The following UNC93A variants were observed in gnomAD, a reference collection of about 807,000 sequenced individuals.
The protein encoded by UNC93A is N-acetylglucosamine transporter UNC93A.
Under a neutral mutation model 47.5 loss-of-function variants are expected in UNC93A, and 43 were observed. The ratio of observed to expected loss-of-function variants is 0.91; its 90% CI spans 0.71 to 1.17. The LOEUF (loss-of-function observed/expected upper bound fraction) is 1.17, where lower values mean the gene tolerates loss of function less well. UNC93A is among the 50% of genes most tolerant of loss of function. The probability of loss-of-function intolerance (pLI) is 0.00; values close to 1 mark genes in which losing one functional copy is unlikely to be tolerated. For synonymous variants in UNC93A, 280 were observed against 258.0 expected, an observed-to-expected ratio of 1.09 and a Z score of -0.82; for missense variants, 605 against 577.6, an observed-to-expected ratio of 1.05 and a Z score of -0.49.
At chr6:167,307,434 T>C (rs551774258) in intron 6 of UNC93A, among the ~76,000 whole-genome samples, 2 of 78,608 alleles carry the variant, frequency 2.5e-5, no homozygotes, top group East Asian at 1.0e-3. Flanking sequence ...ACGGTTGAGA[T>C]GGTTGAGACA....
At chr6:167,310,230 T>A (rs938682754) in intron 7 of UNC93A, among the ~76,000 whole-genome samples, 6 of 152,280 alleles carry the variant, frequency 3.9e-5, no homozygotes, top group Non-Finnish European at 8.8e-5. Context: ...ACATGAATTT[T>A]AAAATGTATT....
In UNC93A at chr6:167,296,111, A is replaced by C; in HGVS notation, c.349A>C (p.Ile117Leu). 2 of 1,614,216 alleles carry C rather than the reference A, an allele frequency of 1.2e-6. No individual in the cohort carries two copies. Among genetic ancestry groups the C allele is most frequent in the South Asian group, 2.2e-5 (2 of 91,078 alleles). ...LWSAQCTYLT[I>L]TGNTHAEKAG... ...GTCTGCACAGTGCACATACCTCACG[A>C]TCACGGGAAACACACATGCAGAGAA... Residue 117 changes from isoleucine to leucine, a missense_variant, in exon 3 of 8, where the codon ATC becomes CTC. Physicochemically the swap from Ile to Leu is conservative, Grantham distance 5. Coordinates refer to ENST00000230256, the MANE Select transcript of UNC93A (RefSeq NM_018974.4).
chr6:167,307,947 C>T, intron 7 of UNC93A, 37 bp downstream of exon 7: 12 of 1,609,584 alleles, frequency 7.5e-6, no homozygotes, highest in African/African-American at 1.3e-5. Flanking sequence ...TCTGTGGCAG[C>T]AGGGGGCGGT....
intron 4 of UNC93A, among the ~76,000 whole-genome samples, chr6:167,300,528 A>C (rs964760662): frequency 6.6e-6 from 1 of 152,102 alleles, no homozygotes; most frequent in Non-Finnish European, 1.5e-5. Context: ...CAGGCGAGCA[A>C]CCTGGGGAGG....
intron 1 of UNC93A, among the ~76,000 whole-genome samples, chr6:167,282,380 C>T (rs959658366): frequency 3.9e-5 from 6 of 152,012 alleles, no homozygotes; most frequent in Non-Finnish European, 7.4e-5. Context: ...TAGGGGGCCC[C>T]ACCAAGGTCT....
chr6:167,310,686 G>T (rs1778533023), intron 7 of UNC93A, among the ~76,000 whole-genome samples: 1 of 152,150 alleles, frequency 6.6e-6, no homozygotes, highest in African/African-American at 2.4e-5. Context: ...TTCAAGACCA[G>T]CCTGGCCAAC....
At chr6:167,307,000 G>T (rs920563932) in intron 6 of UNC93A, among the ~76,000 whole-genome samples, 41 of 152,146 alleles carry the variant, frequency 2.7e-4, no homozygotes, top group Admixed American at 9.8e-4. Flanking sequence ...CTGCCTGGGG[G>T]GTCTGTGGCC....
At chr6:167,288,159 G>A (rs1252337858), upstream of UNC93A, among the ~76,000 whole-genome samples, 1 of 152,050 alleles carries the variant, frequency 6.6e-6, no homozygotes, top group African/African-American at 2.4e-5. Flanking sequence ...CTTGCCACAC[G>A]ATGGGTCTCT....
At position 167,294,651 on chromosome 6, in the gene UNC93A, C is replaced by T. The variant is rs371357023; in HGVS notation, c.222C>T (p.Ser74=). ...RLGCKGTIIL[S]MCGYVAFSVG... is the part of the protein sequence containing the mutation. ...GCTGCAAGGGGACCATCATCCTCTC[C>T]ATGTGTGGCTACGTGGCCTTCTCCG... is the stretch of plus-strand genomic sequence containing the variant. Residue 74 remains serine (S), a synonymous_variant, in exon 2 of 8, where the codon TCC becomes TCT. Coordinates refer to ENST00000230256, the MANE Select transcript of UNC93A (RefSeq NM_018974.4). 38 of 1,608,834 alleles carry T rather than the reference C, an allele frequency of 2.4e-5. No homozygotes were observed. The highest frequency in any genetic ancestry group is 3.3e-5 in the South Asian group (3 of 90,910).
intron 4 of UNC93A, chr6:167,298,313 C>T (rs944280281): frequency 1.9e-5 from 8 of 429,982 alleles, no homozygotes; most frequent in African/African-American, 6.1e-5. Flanking sequence ...CAGAGCCCAA[C>T]ACAGCAGCCA....
Position 167,306,003 on chromosome 6 carries a change from A to T in UNC93A, c.929A>T (p.Tyr310Phe). ...ACTGACGCGCTGTGCTCCGTGTTGT[A>T]TGGAAAGGTCTCGCAGTACACGGGC... ...SATDALCSVL[Y>F]GKVSQYTGRA... Residue 310 changes from tyrosine to phenylalanine, a missense_variant, in exon 6 of 8, where the codon TAT becomes TTT. By Grantham distance (22) the Tyr-to-Phe change is conservative. Transcript: ENST00000230256. 1.2e-6 allele frequency: 2 copies of T among 1,614,172 alleles called. No homozygotes were observed. The highest frequency in any genetic ancestry group is 1.7e-6 in the Non-Finnish European group (2 of 1,180,048).
At chr6:167,300,864 C>T (rs1778223054) in intron 4 of UNC93A, among the ~76,000 whole-genome samples, 2 of 152,210 alleles carry the variant, frequency 1.3e-5, no homozygotes. Flanking sequence ...AAGACTTCTC[C>T]TATCTATAAA....
At chr6:167,302,292 G>A (rs1778263673) in intron 4 of UNC93A, among the ~76,000 whole-genome samples, 1 of 152,152 alleles carries the variant, frequency 6.6e-6, no homozygotes, top group African/African-American at 2.4e-5. Flanking sequence ...CACTGATGCT[G>A]AGAGAGAAAG....
At chr6:167,293,443 G>C (rs553561824) in intron 1 of UNC93A, among the ~76,000 whole-genome samples, 2 of 152,188 alleles carry the variant, frequency 1.3e-5, no homozygotes, top group Non-Finnish European at 2.9e-5. Flanking sequence ...GCATGCGGAC[G>C]TGCTTTAACC....
chr6:167,275,270 T>C (rs766721915), intron 1 of UNC93A, among the ~76,000 whole-genome samples: 10 of 152,226 alleles, frequency 6.6e-5, no homozygotes, highest in Non-Finnish European at 1.5e-4. Context: ...TCTGGCAGGA[T>C]GGCCGCTGGC....
intron 4 of UNC93A, among the ~76,000 whole-genome samples, chr6:167,298,820 AT>A (rs201440136): frequency 3.5e-4 from 53 of 149,302 alleles, no homozygotes; most frequent in African/African-American, 5.1e-4. Flanking sequence ...TAATTTAAAT[AT>A]TTTTTTTTTT....
At position 167,295,579 on chromosome 6, in the gene UNC93A, G is replaced by A. The variant is rs1420989888; in HGVS notation, c.270-453G>A. ...GCTCCTCGCCTCCCTCGTGATCCTC[G>A]CCTGCCTCGTGCTCCTCGCCTCCCT... On this transcript the variant is annotated intron_variant, in intron 2 of 7. Transcript: ENST00000230256. Among the ~76,000 whole-genome samples, 16 of 88,392 alleles carry A rather than the reference G, an allele frequency of 1.8e-4. 2 individuals carry two copies. Among genetic ancestry groups the A allele is most frequent in the African/African-American group, 9.8e-4 (14 of 14,268 alleles). 58.0% of individuals were successfully genotyped at this position (88,392 alleles called of 152,430 possible).
chr6:167,292,794 G>A (rs956805177), intron 1 of UNC93A, among the ~76,000 whole-genome samples: 1 of 152,190 alleles, frequency 6.6e-6, no homozygotes, highest in Non-Finnish European at 1.5e-5. Context: ...GAAGGAGGGA[G>A]TCTCAAGGAT....
chr6:167,298,090 A>G lies in UNC93A; in HGVS notation c.625+20A>G, dbSNP rs2115136242. On this transcript the variant is annotated intron_variant, in intron 4 of 7. Transcript: ENST00000230256. ...ACACTGGTACGAGCTCCATCGGCCC[A>G]GGGCAGGGTCCCTAGCAAAGCAGAG... 1 of 1,611,444 alleles carries G rather than the reference A, an allele frequency of 6.2e-7. No individual in the cohort carries two copies. The highest frequency in any genetic ancestry group is 8.5e-7 in the Non-Finnish European group (1 of 1,178,770).
Sources: gnomAD v4.1 joint callset for allele counts (sites outside exome capture counted in the v4.1 genomes callset) on GRCh38, gnomAD v4.1.1 for gene constraint, MANE v1.5 for transcripts, NCBI Gene and HGNC (gene_info 2026-07-23, HGNC 2026-07-21) for gene names.